Variants in ARL13B observed in about 807,000 individuals in gnomAD.
ARL13B encodes ARF like GTPase 13B.
Under a neutral mutation model 56.1 loss-of-function variants are expected in ARL13B, and 36 were observed. That is an observed-to-expected ratio of 0.64 (90% CI 0.49 to 0.85). The LOEUF is 0.85. Ranked by LOEUF, ARL13B falls within the 40% of genes least tolerant of loss-of-function variation. The pLI is 0.00. For synonymous variants in ARL13B, 178 were observed against 171.1 expected (o/e 1.04, Z -0.32); for missense variants, 519 against 507.1 (o/e 1.02, Z -0.23).
chr3:94,042,944 A>G, intron 6 of ARL13B, 71 bp from the exon 7 acceptor site: 1 of 1,296,940 alleles, frequency 7.7e-7, no homozygotes, highest in South Asian at 1.4e-5. Flanking sequence ...AAGGTATTTG[A>G]TTTCCTCTCC....
At chr3:94,029,332 A>T (rs28508467) in intron 3 of ARL13B, among the ~76,000 whole-genome samples, 16,169 of 71,514 alleles carry the variant, frequency 0.23, 2,180 homozygotes, top group African/African-American at 0.5. Flanking sequence ...ATATATATAT[A>T]TATTTATTTT....
At chr3:94,026,721 G>GT (rs1169814164) in intron 3 of ARL13B, among the ~76,000 whole-genome samples, 1 of 152,130 alleles carries the variant, frequency 6.6e-6, no homozygotes, top group East Asian at 1.9e-4. Flanking sequence ...TATGCAGTCT[G>GT]TTATGTACCT....
chr3:93,984,358 A>G (rs1575920759), intron 1 of ARL13B, among the ~76,000 whole-genome samples: 2 of 150,286 alleles, frequency 1.3e-5, no homozygotes, highest in East Asian at 3.9e-4. Context: ...TCTTGTCTAA[A>G]AAAAAAAAAA....
chr3:94,021,723 AGT>A (rs908554626), intron 3 of ARL13B, among the ~76,000 whole-genome samples: 7 of 152,130 alleles, frequency 4.6e-5, no homozygotes, highest in South Asian at 2.1e-4. Context: ...ATAGCTTCCT[AGT>A]GTTCATTTTG....
intron 7 of ARL13B, among the ~76,000 whole-genome samples, chr3:94,044,328 G>A (rs1473523636): frequency 2.7e-5 from 4 of 146,256 alleles, no homozygotes; most frequent in South Asian, 2.2e-4. Context: ...GGTGAGGAGC[G>A]CCTCTGCCCG....
At chr3:94,014,916 C>G in intron 3 of ARL13B, 5 of 1,613,466 alleles carry the variant, frequency 3.1e-6, no homozygotes, top group Non-Finnish European at 4.2e-6. Context: ...CAACCTCTGA[C>G]TTTTTAACTT....
intron 1 of ARL13B, among the ~76,000 whole-genome samples, chr3:93,992,995 G>A (rs1388102381): frequency 6.7e-6 from 1 of 150,260 alleles, no homozygotes; most frequent in East Asian, 2.0e-4. Context: ...TGTAGTGATG[G>A]GATTTCACCG....
chr3:93,981,569 G>A (rs1306563990), intron 1 of ARL13B, among the ~76,000 whole-genome samples: 1 of 152,036 alleles, frequency 6.6e-6, no homozygotes, highest in Non-Finnish European at 1.5e-5. Flanking sequence ...TTAAATATAA[G>A]TAGTAAGATC....
Position 94,053,086 on chromosome 3 carries a change from GAAATGTCTA to G in ARL13B, c.1211-89_1211-81del, listed in dbSNP as rs983670825. 50 of 927,258 alleles carry G rather than the reference GAAATGTCTA, an allele frequency of 5.4e-5. No homozygotes were observed. In the Middle Eastern group the frequency reaches 1.2e-3, roughly 22 times the overall value. The allele number at this position is 927,258 out of a possible 1,614,324, so 57.4% of individuals were successfully genotyped here. ...AAGATTCTGTAAGTTTATCTCTTTG[GAAATGTCTA>G]AAATGTCTAAAGTCTAAAAAATAAT... is the stretch of plus-strand genomic sequence containing the variant. On this transcript the variant is annotated intron_variant, in intron 9 of 9. Coordinates refer to ENST00000394222, the MANE Select transcript of ARL13B (RefSeq NM_001174150.2).
chr3:94,053,656 T>C lies in ARL13B; in HGVS notation c.*393T>C, dbSNP rs530141372. On this transcript the variant is annotated 3_prime_UTR_variant, in exon 10 of 10. Coordinates refer to ENST00000394222, the MANE Select transcript of ARL13B (RefSeq NM_001174150.2). ...TATTAAATATTTTTTGTAAGATATA[T>C]GCACATAGAAGGGGGACTTCTAGGA... 609 of 395,216 alleles carry C rather than the reference T, an allele frequency of 1.5e-3. 10 individuals are homozygous for C. Among genetic ancestry groups the C allele is most frequent in the South Asian group, 0.012 (589 of 50,216 alleles). The allele number at this position is 395,216 out of a possible 1,614,324, so 24.5% of individuals were successfully genotyped here.
At chr3:94,045,471 GAAAA>G (rs1263637081) in intron 7 of ARL13B, among the ~76,000 whole-genome samples, 1 of 142,492 alleles carries the variant, frequency 7.0e-6, no homozygotes, top group African/African-American at 2.6e-5. Context: ...AAGAAAGAAA[GAAAA>G]AAAAGAGTTA....
chr3:94,007,072 T>A (rs1230773115), intron 3 of ARL13B, among the ~76,000 whole-genome samples: 1 of 152,166 alleles, frequency 6.6e-6, no homozygotes, highest in Non-Finnish European at 1.5e-5. Flanking sequence ...TAATTTCTTC[T>A]GCCCGCGCCT....
chr3:93,994,510 C>CT (rs2075932623), intron 1 of ARL13B, among the ~76,000 whole-genome samples: 1 of 150,544 alleles, frequency 6.6e-6, no homozygotes, highest in Non-Finnish European at 1.5e-5. Flanking sequence ...TTATTAGTGT[C>CT]TGTCTTTTGT....
chr3:94,011,065 C>T (rs570392074), intron 3 of ARL13B, among the ~76,000 whole-genome samples: 50 of 151,888 alleles, frequency 3.3e-4, no homozygotes, highest in Middle Eastern at 6.8e-3. Context: ...TTTTCTCTAG[C>T]GATGCTTGAT....
At chr3:94,019,055 C>A (rs908396330) in intron 3 of ARL13B, among the ~76,000 whole-genome samples, 3 of 152,286 alleles carry the variant, frequency 2.0e-5, no homozygotes, top group Middle Eastern at 3.4e-3. Flanking sequence ...TGTGAGCCAC[C>A]GCGCCTGGCT....
intron 1 of ARL13B, among the ~76,000 whole-genome samples, chr3:93,993,145 A>G (rs1233752741): frequency 1.3e-5 from 2 of 150,882 alleles, no homozygotes; most frequent in Admixed American, 6.6e-5. Context: ...TTTATTTTTG[A>G]GATACAGTCC....
chr3:94,048,568 T>C (rs1187476877), intron 7 of ARL13B, among the ~76,000 whole-genome samples: 1 of 152,098 alleles, frequency 6.6e-6, no homozygotes, highest in East Asian at 1.9e-4. Context: ...TTAGGAGTTA[T>C]TTTATTTGTT....
chr3:94,026,553 A>G (rs1453528393), intron 3 of ARL13B, among the ~76,000 whole-genome samples: 1 of 152,180 alleles, frequency 6.6e-6, no homozygotes, highest in African/African-American at 2.4e-5. Context: ...TTGATCTTAT[A>G]TCTTCATGAA....
intron 2 of ARL13B, among the ~76,000 whole-genome samples, chr3:93,998,695 A>G (rs1260470839): frequency 2.6e-5 from 4 of 152,182 alleles, no homozygotes; most frequent in Non-Finnish European, 5.9e-5. Context: ...ACTTAGTAGA[A>G]TTGATCATGT....
Sources: gnomAD v4.1 joint callset for allele counts (sites outside exome capture counted in the v4.1 genomes callset) on GRCh38, gnomAD v4.1.1 for gene constraint, MANE v1.5 for transcripts, NCBI Gene and HGNC (gene_info 2026-07-23, HGNC 2026-07-21) for gene names.